CNTN4: variants seen among roughly 807,000 people sequenced by gnomAD.
The protein encoded by CNTN4 is contactin-4.
CNTN4 carries 77 observed loss-of-function variants against 122.5 expected under a neutral mutation model. The observed-to-expected ratio is 0.63, with a 90% CI of 0.52 to 0.76. CNTN4 has a LOEUF of 0.76. Ranked by LOEUF, CNTN4 falls within the 30% of genes least tolerant of loss-of-function variation. The pLI, the probability that CNTN4 is intolerant of heterozygous loss-of-function variation, is 0.00. For missense variants in CNTN4, 1,256 were observed against 1,259.1 expected (o/e 1.00, Z 0.04); for synonymous variants, 512 against 447.0 (o/e 1.15, Z -1.83).
At chr3:2,181,842 T>C (rs1363625007) in intron 2 of CNTN4, among the ~76,000 whole-genome samples, 1 of 152,086 alleles carries the variant, frequency 6.6e-6, no homozygotes, top group Non-Finnish European at 1.5e-5. Context: ...TGCACGAGTT[T>C]TGGTGGTATG....
At chr3:3,000,808 G>A (rs1237525754) in intron 14 of CNTN4, among the ~76,000 whole-genome samples, 1 of 151,402 alleles carries the variant, frequency 6.6e-6, no homozygotes, top group Non-Finnish European at 1.5e-5. Context: ...CTACTCCAGA[G>A]CAAAAGCATA....
chr3:2,375,731 C>G (rs755763498), intron 3 of CNTN4, among the ~76,000 whole-genome samples: 8 of 152,064 alleles, frequency 5.3e-5, no homozygotes, highest in Non-Finnish European at 1.2e-4. Flanking sequence ...ATTTTTATAT[C>G]ATGAAGTGTT....
intron 16 of CNTN4, among the ~76,000 whole-genome samples, chr3:3,032,363 A>G (rs1248119736): frequency 6.6e-6 from 1 of 152,264 alleles, no homozygotes; most frequent in Non-Finnish European, 1.5e-5. Flanking sequence ...AATCAGCAAT[A>G]CTTGAAGTTC....
intron 3 of CNTN4, among the ~76,000 whole-genome samples, chr3:2,424,868 C>T (rs1229274794): frequency 1.3e-5 from 2 of 152,150 alleles, no homozygotes; most frequent in Non-Finnish European, 2.9e-5. Flanking sequence ...TGTCTTTCTT[C>T]TTTTGAGAAG....
chr3:2,891,968 A>G lies in CNTN4; in HGVS notation c.940+4744A>G, dbSNP rs554908319. On this transcript the variant is annotated intron_variant, in intron 10 of 24. Coordinates refer to ENST00000418658, the MANE Select transcript of CNTN4 (RefSeq NM_175607.3). Reference sequence around the variant, plus strand: ...GACATTGTTGGTTAGGACGTAAGAGAGGAAGAGAAATGGAGAGACTTGAGA... The same window carrying G: ...GACATTGTTGGTTAGGACGTAAGAGGGGAAGAGAAATGGAGAGACTTGAGA... Among the ~76,000 whole-genome samples the G allele has an allele frequency of 7.9e-5, 12 of 152,340 alleles. No homozygotes were observed. The South Asian group carries it at 2.5e-3, about 32-fold the overall frequency.
At chr3:2,856,624 C>A (rs574857484) in intron 7 of CNTN4, among the ~76,000 whole-genome samples, 1 of 152,318 alleles carries the variant, frequency 6.6e-6, no homozygotes, top group Non-Finnish European at 1.5e-5. Context: ...GCACAGCCCT[C>A]CCACTGTGTC....
intron 4 of CNTN4, among the ~76,000 whole-genome samples, chr3:2,732,515 A>G (rs2088772320): frequency 6.6e-6 from 1 of 152,076 alleles, no homozygotes; most frequent in Non-Finnish European, 1.5e-5. Flanking sequence ...AAAAAAAAAA[A>G]AAGATGAACT....
At chr3:2,780,488 A>G (rs1487800651) in intron 6 of CNTN4, among the ~76,000 whole-genome samples, 2 of 152,214 alleles carry the variant, frequency 1.3e-5, no homozygotes, top group Non-Finnish European at 2.9e-5. Flanking sequence ...AAAAGACTAT[A>G]TATTTTTTAA....
chr3:2,490,898 T>C (rs1409829673), intron 3 of CNTN4, among the ~76,000 whole-genome samples: 1 of 152,142 alleles, frequency 6.6e-6, no homozygotes, highest in Non-Finnish European at 1.5e-5. Flanking sequence ...CAAAGTACTA[T>C]GTTTAGCGAC....
At chr3:2,706,024 ATATT>A (rs1208564177) in intron 4 of CNTN4, among the ~76,000 whole-genome samples, 3 of 142,834 alleles carry the variant, frequency 2.1e-5, no homozygotes, top group Non-Finnish European at 4.5e-5. Context: ...ATAAATATAC[ATATT>A]TATATAGATA....
chr3:2,673,238 A>T (rs1055945928), intron 4 of CNTN4, among the ~76,000 whole-genome samples: 2 of 152,166 alleles, frequency 1.3e-5, no homozygotes, highest in Non-Finnish European at 2.9e-5. Context: ...AGAAGCAGTA[A>T]AATAGGTATA....
At chr3:2,265,246 A>G (rs970599902) in intron 2 of CNTN4, among the ~76,000 whole-genome samples, 2 of 152,000 alleles carry the variant, frequency 1.3e-5, no homozygotes, top group African/African-American at 4.8e-5. Flanking sequence ...TATTTTCTTT[A>G]TCCACTTATT....
At chr3:2,279,298 CCTA>C (rs1264607549) in intron 2 of CNTN4, among the ~76,000 whole-genome samples, 3 of 152,156 alleles carry the variant, frequency 2.0e-5, no homozygotes, top group Admixed American at 6.5e-5. Flanking sequence ...CTGGAGAGAT[CCTA>C]CTATTTCCAT....
intron 3 of CNTN4, among the ~76,000 whole-genome samples, chr3:2,487,020 A>G (rs1009803267): frequency 6.6e-6 from 1 of 152,148 alleles, no homozygotes; most frequent in Non-Finnish European, 1.5e-5. Context: ...CCTAGTTGAA[A>G]TGGGCCACCA....
chr3:2,111,255 C>T (rs2032934985), intron 2 of CNTN4, among the ~76,000 whole-genome samples: 1 of 152,158 alleles, frequency 6.6e-6, no homozygotes, highest in African/African-American at 2.4e-5. Flanking sequence ...GTTAATTCTA[C>T]TCAATTCTTA....
At chr3:2,378,954 A>G (rs908161774) in intron 3 of CNTN4, among the ~76,000 whole-genome samples, 3 of 152,110 alleles carry the variant, frequency 2.0e-5, no homozygotes, top group South Asian at 2.1e-4. Context: ...AATCTTTTCA[A>G]TGTAAGGTAG....
At chr3:2,399,653 C>T (rs1019606729) in intron 3 of CNTN4, among the ~76,000 whole-genome samples, 2 of 151,974 alleles carry the variant, frequency 1.3e-5, no homozygotes, top group East Asian at 1.9e-4. Context: ...AATTCACCCT[C>T]CATATACTAA....
intron 3 of CNTN4, among the ~76,000 whole-genome samples, chr3:2,449,005 A>C (rs748436137): frequency 6.6e-6 from 1 of 152,092 alleles, no homozygotes; most frequent in Non-Finnish European, 1.5e-5. Flanking sequence ...TTATTATTAC[A>C]CTAATTTCCA....
At chr3:2,146,949 T>C (rs1166545911) in intron 2 of CNTN4, among the ~76,000 whole-genome samples, 3 of 152,116 alleles carry the variant, frequency 2.0e-5, no homozygotes, top group South Asian at 2.1e-4. Context: ...GTCGTGATCT[T>C]GGCTCATTGC....
Sources: allele counts gnomAD v4.1 joint callset (sites outside exome capture counted in the v4.1 genomes callset), GRCh38; gene constraint gnomAD v4.1.1; transcripts MANE v1.5; gene names NCBI Gene and HGNC (gene_info 2026-07-23, HGNC 2026-07-21).